ANO4: variants seen among roughly 807,000 people sequenced by gnomAD.
The protein encoded by ANO4 is anoctamin-4.
ANO4 carries 69 observed loss-of-function variants against 141.9 expected under a neutral mutation model. The observed-to-expected ratio is 0.49, with a 90% CI of 0.40 to 0.59. The LOEUF is 0.59. Ranked by LOEUF, ANO4 falls within the 20% of genes least tolerant of loss-of-function variation. The probability of loss-of-function intolerance (pLI) is 0.00; values close to 1 mark genes in which losing one functional copy is unlikely to be tolerated. For missense variants in ANO4, 894 were observed against 1,162.2 expected, an observed-to-expected ratio of 0.77 and a Z score of 3.36; for synonymous variants, 350 against 394.3, an observed-to-expected ratio of 0.89 and a Z score of 1.33.
chr12:100,842,645 T>C (rs2037334476), intron 1 of ANO4, among the ~76,000 whole-genome samples: 1 of 152,138 alleles, frequency 6.6e-6, no homozygotes, highest in Non-Finnish European at 1.5e-5. Context: ...TTCTCAAGGC[T>C]CAGAAGTTCA....
At chr12:100,966,882 C>T (rs867811870) in intron 5 of ANO4, among the ~76,000 whole-genome samples, 17 of 113,292 alleles carry the variant, frequency 1.5e-4, no homozygotes, top group African/African-American at 8.0e-4. Flanking sequence ...TACACACACA[C>T]ATACACACAC....
intron 24 of ANO4, among the ~76,000 whole-genome samples, chr12:101,115,469 A>T (rs561570061): frequency 1.3e-5 from 2 of 151,140 alleles, no homozygotes; most frequent in South Asian, 2.1e-4. Context: ...AAAAAAGAAG[A>T]AGTAAGAAGT....
chr12:101,038,344 C>G (rs1266663294), intron 10 of ANO4: 1 of 151,896 alleles, frequency 6.6e-6, no homozygotes, highest in Admixed American at 6.6e-5. Flanking sequence ...TCCCTGCTCT[C>G]AGCCCCAGCT....
intron 8 of ANO4, among the ~76,000 whole-genome samples, chr12:100,991,589 A>C (rs2045110480): frequency 6.6e-6 from 1 of 151,764 alleles, no homozygotes; most frequent in Non-Finnish European, 1.5e-5. Context: ...TCCCACTGAA[A>C]AACCTTTCGA....
chr12:101,123,960 C>G (rs1197213241), intron 26 of ANO4, among the ~76,000 whole-genome samples: 2 of 151,946 alleles, frequency 1.3e-5, no homozygotes, highest in Non-Finnish European at 2.9e-5. Flanking sequence ...TGAGAGGTAT[C>G]TGTTTGTGTC....
At chr12:100,960,738 C>T (rs2043384085) in intron 5 of ANO4, among the ~76,000 whole-genome samples, 1 of 152,146 alleles carries the variant, frequency 6.6e-6, no homozygotes, top group African/African-American at 2.4e-5. Context: ...CTGCAGCGTA[C>T]TAAGGGCATA....
At chr12:101,108,340 T>C (rs2050530130) in intron 22 of ANO4, among the ~76,000 whole-genome samples, 1 of 152,182 alleles carries the variant, frequency 6.6e-6, no homozygotes, top group Non-Finnish European at 1.5e-5. Context: ...GAGGTGGCAG[T>C]GTAACCAAGA....
intron 1 of ANO4, among the ~76,000 whole-genome samples, chr12:100,722,917 A>G (rs1352469376): frequency 6.6e-6 from 1 of 152,176 alleles, no homozygotes; most frequent in African/African-American, 2.4e-5. Context: ...GAGATCAGGT[A>G]CATGCTAGCT....
intron 14 of ANO4, chr12:101,068,898 G>A: frequency 2.4e-6 from 2 of 848,922 alleles, no homozygotes; most frequent in Non-Finnish European, 4.1e-6. Context: ...AGCTAACAGA[G>A]CTCCTCCGAT....
Position 101,094,261 on chromosome 12 carries a change from T to C in ANO4, c.1707T>C (p.Tyr569=), listed in dbSNP as rs1403189226. 1.2e-6 allele frequency: 2 copies of C among 1,610,808 alleles called. No homozygotes were observed. The highest frequency in any genetic ancestry group is 2.7e-5 in the African/African-American group (2 of 74,824). ...GCATGAAATTTATTTTACAGCTCTA[T>C]GAAAAAGTTGCCCTGCTTCTGACGA... ...FCIIMLLNVL[Y]EKVALLLTNL... The change falls in exon 18 of 28, where the codon TAT becomes TAC. Residue 569 remains tyrosine (Y), a synonymous_variant. Coordinates refer to ENST00000392977, the MANE Select transcript of ANO4 (RefSeq NM_001286615.2).
intron 3 of ANO4, among the ~76,000 whole-genome samples, chr12:100,776,393 G>T (rs12227467): frequency 2.0e-5 from 3 of 151,966 alleles, no homozygotes; most frequent in East Asian, 1.9e-4. Flanking sequence ...TTAATGGTTT[G>T]GTTCATAACC....
At chr12:101,008,098 G>A (rs376536594) in intron 8 of ANO4, among the ~76,000 whole-genome samples, 9 of 152,126 alleles carry the variant, frequency 5.9e-5, no homozygotes, top group Middle Eastern at 3.2e-3. Context: ...CAATGTGGAT[G>A]TTTTATTTTT....
At chr12:101,029,324 C>CA (rs1334295306) in intron 9 of ANO4, among the ~76,000 whole-genome samples, 5 of 152,158 alleles carry the variant, frequency 3.3e-5, no homozygotes, top group Admixed American at 1.3e-4. Context: ...CGAATTCACA[C>CA]ATAACAATAC....
intron 1 of ANO4, among the ~76,000 whole-genome samples, chr12:100,871,352 C>T (rs1195008922): frequency 6.6e-6 from 1 of 152,142 alleles, no homozygotes; most frequent in Non-Finnish European, 1.5e-5. Context: ...AACCCCCCAC[C>T]CCACTTTGTG....
chr12:101,022,379 A>G (rs2046569621), intron 9 of ANO4, among the ~76,000 whole-genome samples: 1 of 152,238 alleles, frequency 6.6e-6, no homozygotes, highest in South Asian at 2.1e-4. Flanking sequence ...TTTGATAGTT[A>G]GTCATATACA....
rs142639433 is a variant in ANO4 at position 100,932,858 on chromosome 12, G to A, written c.161-6457G>A. ...AGGCAATTTAAGGTCCTTGATCCTC[G>A]TTGTTCAGTTATAATATGTGAGTCC... On this transcript the variant is annotated intron_variant, in intron 3 of 27. Transcript: ENST00000392977. Among the ~76,000 whole-genome samples, 660 of 152,136 alleles carry A rather than the reference G, an allele frequency of 4.3e-3. 5 individuals carry two copies. The highest frequency in any genetic ancestry group is 0.014 in the African/African-American group (595 of 41,500).
intron 22 of ANO4, among the ~76,000 whole-genome samples, chr12:101,105,932 C>T (rs183327033): frequency 1.9e-4 from 29 of 152,090 alleles, no homozygotes; most frequent in African/African-American, 7.0e-4. Flanking sequence ...ACCAACATGG[C>T]GAAATCCTGT....
chr12:100,863,955 C>T lies in ANO4; in HGVS notation c.-140-37691C>T, dbSNP rs181482662. On this transcript the variant is annotated intron_variant, in intron 1 of 27. Transcript: ENST00000392977. ...GAGCAAAAGAAAATTCCTTCAGGCA[C>T]GGTTTGATCCAGGGAGCTCGAACAG... 1.2e-3 allele frequency among the ~76,000 whole-genome samples: 180 copies of T among 152,274 alleles called. 2 individuals are homozygous for T. The highest frequency in any genetic ancestry group is 0.011 in the Admixed American group (164 of 15,282).
chr12:100,980,736 C>T (rs1204710529), intron 7 of ANO4, among the ~76,000 whole-genome samples: 1 of 152,184 alleles, frequency 6.6e-6, no homozygotes. Flanking sequence ...AAAGCATACT[C>T]ATGTAGTTCA....
Sources: allele counts gnomAD v4.1 joint callset (sites outside exome capture counted in the v4.1 genomes callset), GRCh38; gene constraint gnomAD v4.1.1; transcripts MANE v1.5; gene names NCBI Gene and HGNC (gene_info 2026-07-23, HGNC 2026-07-21).